GRID1: variants seen among roughly 807,000 people sequenced by gnomAD.
GRID1 encodes the protein glutamate ionotropic receptor delta type subunit 1.
A neutral mutation model predicts 98.0 loss-of-function variants in GRID1; 28 were observed. That is an observed-to-expected ratio of 0.29 (90% CI 0.21 to 0.39). The LOEUF is 0.39. Among genes scored for constraint, GRID1 ranks in the 10% least tolerant of loss-of-function variants. The pLI is 1.00. For synonymous variants in GRID1, 553 were observed against 538.5 expected (o/e 1.03, Z -0.37); for missense variants, 1,111 against 1,340.5 (o/e 0.83, Z 2.67).
In GRID1 at chr10:85,655,835, A is replaced by C. The variant is rs187578100; in HGVS notation, c.1998-8438T>G. ...TTGTTTTTACTCCTATGCATGTCTA[A>C]CTCTGTTTGTCTCCTAGATCCCAGA... On this transcript the variant is annotated intron_variant, in intron 12 of 15. Transcript: ENST00000327946. Among the ~76,000 whole-genome samples the C allele has an allele frequency of 8.5e-5, 13 of 152,236 alleles. No homozygotes were observed. The East Asian group carries it at 2.3e-3, about 27-fold the overall frequency.
At chr10:86,080,005 C>T (rs191983703) in intron 4 of GRID1, among the ~76,000 whole-genome samples, 13 of 152,244 alleles carry the variant, frequency 8.5e-5, no homozygotes, top group African/African-American at 3.1e-4. Flanking sequence ...AGGACAAGTG[C>T]AAGGAAGTGA....
chr10:85,652,193 T>C (rs1048758904), intron 12 of GRID1, among the ~76,000 whole-genome samples: 2 of 152,194 alleles, frequency 1.3e-5, no homozygotes, highest in African/African-American at 4.8e-5. Context: ...TGGTACCACC[T>C]CCTGTCCTCC....
chr10:86,248,526 A>G (rs1846767807), intron 2 of GRID1, among the ~76,000 whole-genome samples: 1 of 148,086 alleles, frequency 6.8e-6, no homozygotes, highest in Admixed American at 6.8e-5. Flanking sequence ...ATCTCTCTAG[A>G]CCTCTGCTCC....
At chr10:85,694,580 AT>A (rs1841371364) in intron 12 of GRID1, among the ~76,000 whole-genome samples, 1 of 98,074 alleles carries the variant, frequency 1.0e-5, no homozygotes. Context: ...ATATATATAT[AT>A]ATATATATAT....
intron 13 of GRID1, among the ~76,000 whole-genome samples, chr10:85,631,796 C>A (rs1053130242): frequency 5.3e-5 from 8 of 152,000 alleles, no homozygotes; most frequent in Non-Finnish European, 1.2e-4. Context: ...AATTGGTGTG[C>A]CTGGATACAA....
At chr10:86,229,897 GT>G (rs1846423895) in intron 2 of GRID1, among the ~76,000 whole-genome samples, 1 of 152,180 alleles carries the variant, frequency 6.6e-6, no homozygotes. Context: ...CACACATAGA[GT>G]CCTGTCCTCA....
In GRID1 at chr10:85,619,985, A is replaced by G. The variant is rs1383156171; in HGVS notation, c.2242T>C (p.Tyr748His). Reference protein sequence around the residue: ...AFLWDVAVVEYAALTDDDCSV... With the variant: ...AFLWDVAVVEHAALTDDDCSV... ...CAGTCGTCATCCGTCAGGGCTGCGT[A>G]TTCCACCACGGCCACATCCCACAGG... is the stretch of plus-strand genomic sequence containing the variant. The change falls in exon 14 of 16, where the codon TAC becomes CAC. Residue 748 changes from tyrosine to histidine, a missense_variant. This residue lies in a region of GRID1 where 762 missense variants were observed against 869.1 expected (regional missense o/e 0.88). Coordinates refer to ENST00000327946, the MANE Select transcript of GRID1 (RefSeq NM_017551.3). 6.2e-7 allele frequency: 1 copy of G among 1,613,970 alleles called. No homozygotes were observed. The highest frequency in any genetic ancestry group is 1.1e-5 in the South Asian group (1 of 91,082).
intron 12 of GRID1, among the ~76,000 whole-genome samples, chr10:85,656,387 T>C (rs1304182087): frequency 2.6e-5 from 4 of 152,194 alleles, no homozygotes; most frequent in Non-Finnish European, 4.4e-5. Flanking sequence ...AGACCACTGA[T>C]CCCTGGGTTG....
rs80101285 is a variant in GRID1 at position 85,901,728 on chromosome 10, A to C, written c.780+14458T>G. 1.3e-3 allele frequency among the ~76,000 whole-genome samples: 203 copies of C among 152,278 alleles called. 2 individuals are homozygous for C. The East Asian group carries it at 0.029, about 21-fold the overall frequency. On this transcript the variant is annotated intron_variant, in intron 5 of 15. Transcript: ENST00000327946. The stretch of plus-strand genomic sequence containing the variant: ...GAATCATATCCATGGTGTGTTCCCA[A>C]AGACTGTGATCTAAAGCACAATGGT...
At chr10:86,277,241 A>G (rs1308687147) in intron 2 of GRID1, among the ~76,000 whole-genome samples, 1 of 152,236 alleles carries the variant, frequency 6.6e-6, no homozygotes, top group Non-Finnish European at 1.5e-5. Flanking sequence ...ATTTTACCAC[A>G]ACTTTTAAAA....
rs561326949 is a variant in GRID1 at position 85,723,157 on chromosome 10, A to G, written c.1859-16T>C. Reference sequence around the variant, plus strand: ...GATTCGCCACCTGCGGGAGGCAGACAAAGTGGATTGGCCAGTGGCTTCTGC... The same window carrying G: ...GATTCGCCACCTGCGGGAGGCAGACGAAGTGGATTGGCCAGTGGCTTCTGC... On this transcript the variant is annotated splice_polypyrimidine_tract_variant and intron_variant, in intron 11 of 15. Transcript: ENST00000327946. The G allele has an allele frequency of 4.4e-6, 7 of 1,600,674 alleles. No individual in the cohort carries two copies. The highest frequency in any genetic ancestry group is 6.0e-6 in the Non-Finnish European group (7 of 1,172,928).
chr10:86,260,060 A>G (rs1846988315), intron 2 of GRID1, among the ~76,000 whole-genome samples: 1 of 152,248 alleles, frequency 6.6e-6, no homozygotes, highest in Non-Finnish European at 1.5e-5. Context: ...GTCCTGAGAT[A>G]ACAGTGAGCC....
chr10:86,226,758 G>C (rs1047928366), intron 2 of GRID1, among the ~76,000 whole-genome samples: 1 of 150,138 alleles, frequency 6.7e-6, no homozygotes, highest in Admixed American at 6.6e-5. Context: ...CCCTCCAGAA[G>C]CAGCAGTCCC....
At chr10:85,875,992 T>C (rs1843325679) in intron 5 of GRID1, among the ~76,000 whole-genome samples, 1 of 152,216 alleles carries the variant, frequency 6.6e-6, no homozygotes, top group African/African-American at 2.4e-5. Flanking sequence ...TCAGTTTTTG[T>C]TTGCTGGGAA....
chr10:86,096,552 T>C (rs1435117539), intron 4 of GRID1, among the ~76,000 whole-genome samples: 1 of 152,224 alleles, frequency 6.6e-6, no homozygotes, highest in African/African-American at 2.4e-5. Context: ...CTGCACACAA[T>C]GCTTCTGCAA....
intron 3 of GRID1, among the ~76,000 whole-genome samples, chr10:86,157,167 G>A (rs1845257856): frequency 6.6e-6 from 1 of 152,160 alleles, no homozygotes. Context: ...AGTTCTGATG[G>A]GGGCTTGTTT....
chr10:86,328,551 C>T (rs1157294601), intron 2 of GRID1, among the ~76,000 whole-genome samples: 2 of 152,234 alleles, frequency 1.3e-5, no homozygotes, highest in Non-Finnish European at 2.9e-5. Context: ...TACCGAAGCA[C>T]TTTCATGGGC....
At position 85,708,457 on chromosome 10, in the gene GRID1, C is replaced by G. The variant is rs1257119834; in HGVS notation, c.1997+14546G>C. ...AATGGGATCAGAAATACAATACATGCTGATTCCAAGAGAAATACCTAAAGC... is the reference window on the plus strand; with the variant it reads ...AATGGGATCAGAAATACAATACATGGTGATTCCAAGAGAAATACCTAAAGC... On this transcript the variant is annotated intron_variant, in intron 12 of 15. Coordinates refer to ENST00000327946, the MANE Select transcript of GRID1 (RefSeq NM_017551.3). Among the ~76,000 whole-genome samples the G allele has an allele frequency of 2.6e-5, 4 of 151,810 alleles. 1 individual carries two copies. The highest frequency in any genetic ancestry group is 9.7e-5 in the African/African-American group (4 of 41,324).
chr10:86,187,487 A>C (rs963618513), intron 3 of GRID1, among the ~76,000 whole-genome samples: 18 of 152,160 alleles, frequency 1.2e-4, no homozygotes, highest in African/African-American at 4.3e-4. Flanking sequence ...TGCTAATTAC[A>C]CTATCCTCCC....
Sources: gnomAD v4.1 joint callset for allele counts (sites outside exome capture counted in the v4.1 genomes callset) on GRCh38, gnomAD v4.1.1 for gene constraint, gnomAD v4.1.1 regional missense constraint, MANE v1.5 for transcripts, NCBI Gene and HGNC (gene_info 2026-07-23, HGNC 2026-07-21) for gene names.